The following DCLK2 variants were observed in gnomAD, a reference collection of about 807,000 sequenced individuals.
The protein encoded by DCLK2 is doublecortin like kinase 2.
In DCLK2, 31 loss-of-function variants were observed where a neutral mutation model predicts 78.4. That is an observed-to-expected ratio of 0.40 (90% CI 0.30 to 0.53). The LOEUF (loss-of-function observed/expected upper bound fraction) is 0.53. Among genes scored for constraint, DCLK2 ranks in the 20% least tolerant of loss-of-function variants. The pLI is 0.61. For missense variants in DCLK2, 872 were observed against 973.7 expected, an observed-to-expected ratio of 0.90 and a Z score of 1.39; for synonymous variants, 407 against 374.9, an observed-to-expected ratio of 1.09 and a Z score of -0.99.
intron 2 of DCLK2, among the ~76,000 whole-genome samples, chr4:150,107,830 G>A (rs1363541636): frequency 6.6e-6 from 1 of 152,154 alleles, no homozygotes; most frequent in African/African-American, 2.4e-5. Context: ...GGTTAGCTGG[G>A]CATGGTGATG....
chr4:150,150,861 C>T lies in DCLK2; in HGVS notation c.757-42277C>T, dbSNP rs369141698. Among the ~76,000 whole-genome samples, 17 of 152,346 alleles carry T rather than the reference C, an allele frequency of 1.1e-4. No homozygotes were observed. In the East Asian group the frequency reaches 2.5e-3, roughly 22 times the overall value. ...TGAAGCCCTGTGTGGGAACTTTCTCCAGCTGAAATAAAGGAGGGCAGCACT... is the reference window on the plus strand; with the variant it reads ...TGAAGCCCTGTGTGGGAACTTTCTCTAGCTGAAATAAAGGAGGGCAGCACT... On this transcript the variant is annotated intron_variant, in intron 2 of 15. Coordinates refer to ENST00000296550, the MANE Select transcript of DCLK2 (RefSeq NM_001040260.4).
chr4:150,195,313 T>TATATA lies in DCLK2; in HGVS notation c.859+2077_859+2078insAATAT, dbSNP rs1738860511. 2.8e-4 allele frequency among the ~76,000 whole-genome samples: 2 copies of TATATA among 7,106 alleles called. 1 individual carries two copies. The highest frequency in any genetic ancestry group is 8.4e-4 in the Non-Finnish European group (2 of 2,394). The allele number at this position is 7,106 out of a possible 152,430, so 4.7% of individuals were successfully genotyped here. A position where few individuals can be genotyped will look rare whatever the true frequency, so the allele number is the denominator to read the frequency against. On this transcript the variant is annotated intron_variant, in intron 3 of 15. Coordinates refer to ENST00000296550, the MANE Select transcript of DCLK2 (RefSeq NM_001040260.4). ...ATATTATATATTATATATTATATTATATATTATATTATATATTATATATAT... is the reference window on the plus strand; with the variant it reads ...ATATTATATATTATATATTATATTATATATAATATTATATTATATATTATATATAT...
At chr4:150,228,531 C>T (rs1043787126) in intron 8 of DCLK2, among the ~76,000 whole-genome samples, 6 of 152,144 alleles carry the variant, frequency 3.9e-5, no homozygotes, top group Non-Finnish European at 7.3e-5. Flanking sequence ...CTCTCAGTTC[C>T]AGAGGGTTAG....
In DCLK2 at chr4:150,102,890, G is replaced by T. The variant is rs1730985439; in HGVS notation, c.756+78G>T. The T allele has an allele frequency of 2.3e-6, 3 of 1,333,270 alleles. No homozygotes were observed. The South Asian group carries it at 4.4e-5, about 20-fold the overall frequency. 82.6% of individuals were successfully genotyped at this position (1,333,270 alleles called of 1,614,324 possible). ...CATGGTGGCTACATAGTCAACAATA[G>T]AAATTTAGTAGTGTGCTAGAAATCC... On this transcript the variant is annotated intron_variant, in intron 2 of 15. Coordinates refer to ENST00000296550, the MANE Select transcript of DCLK2 (RefSeq NM_001040260.4).
intron 2 of DCLK2, among the ~76,000 whole-genome samples, chr4:150,170,407 A>G (rs1484700341): frequency 1.3e-5 from 2 of 152,154 alleles, no homozygotes; most frequent in African/African-American, 4.8e-5. Context: ...AGCTGGGGCG[A>G]GGATAAGGTG....
At chr4:150,249,509 A>G in intron 14 of DCLK2, 59 bp from the exon 15 acceptor site, 1 of 1,489,978 alleles carries the variant, frequency 6.7e-7, no homozygotes, top group Non-Finnish European at 9.4e-7. Flanking sequence ...CTTAAGGAAA[A>G]GACAACTCAA....
chr4:150,081,258 T>C (rs1729244083), intron 1 of DCLK2, among the ~76,000 whole-genome samples: 3 of 152,154 alleles, frequency 2.0e-5, no homozygotes. Context: ...ATGAATCTCA[T>C]AGGAGAGATG....
chr4:150,107,088 G>C (rs1258069511), intron 2 of DCLK2, among the ~76,000 whole-genome samples: 3 of 152,094 alleles, frequency 2.0e-5, no homozygotes, highest in African/African-American at 7.2e-5. Context: ...TAGAAGCTGG[G>C]CATGGTGCCC....
intron 7 of DCLK2, 83 bp from the exon 8 acceptor site, chr4:150,224,418 A>G: frequency 7.4e-7 from 1 of 1,349,846 alleles, no homozygotes. Context: ...AAAAAAAAAA[A>G]TTAAAGTATA....
chr4:150,244,907 C>G (rs1339281308), intron 12 of DCLK2, among the ~76,000 whole-genome samples: 1 of 151,806 alleles, frequency 6.6e-6, no homozygotes, highest in Non-Finnish European at 1.5e-5. Flanking sequence ...AGCTTTTTAG[C>G]TATTTATTAA....
chr4:150,175,238 T>G (rs1478011235), intron 2 of DCLK2, among the ~76,000 whole-genome samples: 1 of 140,896 alleles, frequency 7.1e-6, no homozygotes, highest in Non-Finnish European at 1.5e-5. Flanking sequence ...TTTATATATA[T>G]ATAAAGCTTT....
chr4:150,117,606 T>G lies in DCLK2; in HGVS notation c.756+14794T>G, dbSNP rs143276341. ...TGGCCGACTTCTGCAAGGTCCCCTG[T>G]GAGGTGGGATCAGAAATGGCTTCCC... On this transcript the variant is annotated intron_variant, in intron 2 of 15. Transcript: ENST00000296550. Among the ~76,000 whole-genome samples, 516 of 152,324 alleles carry G rather than the reference T, an allele frequency of 3.4e-3. 1 individual carries two copies. The highest frequency in any genetic ancestry group is 0.017 in the Middle Eastern group (5 of 294).
At chr4:150,210,905 G>A (rs1462431484) in intron 5 of DCLK2, among the ~76,000 whole-genome samples, 2 of 139,534 alleles carry the variant, frequency 1.4e-5, no homozygotes, top group Non-Finnish European at 3.0e-5. Flanking sequence ...CGGAGATTGC[G>A]CCATTGCACT....
intron 15 of DCLK2, among the ~76,000 whole-genome samples, chr4:150,250,010 G>A (rs561587076): frequency 6.6e-6 from 1 of 152,100 alleles, no homozygotes; most frequent in Non-Finnish European, 1.5e-5. Flanking sequence ...GGGGTGTGTT[G>A]TGTTAGGAAT....
At chr4:150,248,698 G>A (rs566261506) in intron 14 of DCLK2, among the ~76,000 whole-genome samples, 21 of 152,204 alleles carry the variant, frequency 1.4e-4, no homozygotes, top group African/African-American at 4.6e-4. Context: ...CGTCTTCTGC[G>A]GTTTGGGGTT....
intron 2 of DCLK2, among the ~76,000 whole-genome samples, chr4:150,192,103 GA>G (rs1382543066): frequency 1.3e-4 from 20 of 152,180 alleles, no homozygotes; most frequent in Non-Finnish European, 2.9e-4. Context: ...GGGATAAATG[GA>G]TGAATGTGCT....
chr4:150,203,085 G>A (rs1251777855), intron 4 of DCLK2, among the ~76,000 whole-genome samples: 2 of 152,108 alleles, frequency 1.3e-5, no homozygotes, highest in African/African-American at 2.4e-5. Flanking sequence ...TCTAAATCGA[G>A]CTTTCAACCA....
At chr4:150,225,203 G>A (rs540670572) in intron 8 of DCLK2, among the ~76,000 whole-genome samples, 23 of 152,300 alleles carry the variant, frequency 1.5e-4, no homozygotes, top group African/African-American at 4.3e-4. Context: ...CCGTTTGCCC[G>A]TAAGGGAGAC....
intron 2 of DCLK2, among the ~76,000 whole-genome samples, chr4:150,122,254 G>T (rs566211306): frequency 6.6e-6 from 1 of 152,238 alleles, no homozygotes; most frequent in South Asian, 2.1e-4. Flanking sequence ...TGCTATTACT[G>T]GGTATATACC....
Sources: allele counts gnomAD v4.1 joint callset (sites outside exome capture counted in the v4.1 genomes callset), GRCh38; gene constraint gnomAD v4.1.1; transcripts MANE v1.5; gene names NCBI Gene and HGNC (gene_info 2026-07-23, HGNC 2026-07-21).